Variants in PACSIN1 observed in about 807,000 individuals in gnomAD.
PACSIN1 encodes protein kinase C and casein kinase substrate in neurons protein 1.
In PACSIN1, 15 loss-of-function variants were observed where a neutral mutation model predicts 59.5. The observed-to-expected ratio is 0.25, with a 90% confidence interval of 0.17 to 0.39. PACSIN1 has a LOEUF of 0.39. PACSIN1 is among the 10% of genes least tolerant of loss of function. The pLI, the probability that PACSIN1 is intolerant of heterozygous loss-of-function variation, is 1.00. For missense variants in PACSIN1, 420 were observed against 580.2 expected (o/e 0.72, Z 2.84); for synonymous variants, 210 against 220.6 (o/e 0.95, Z 0.42).
intron 1 of PACSIN1, among the ~76,000 whole-genome samples, chr6:34,487,085 AGC>A (rs1766805644): frequency 6.6e-6 from 1 of 151,800 alleles, no homozygotes; most frequent in Non-Finnish European, 1.5e-5. Flanking sequence ...TGGGAGGATC[AGC>A]CGAGCCCAGG....
rs922990670 is a variant in PACSIN1, at chr6:34,532,638, A to C, written c.*108A>C. 1.5e-6 allele frequency: 1 copy of C among 678,242 alleles called. No homozygotes were observed. The allele number at this position is 678,242 out of a possible 1,614,324, so 42.0% of individuals were successfully genotyped here. ...GAGTTCCAGACATATTTTCCGATCA[A>C]GCTTTTATTTTTTTAAAAGTCAAAA... On this transcript the variant is annotated 3_prime_UTR_variant, in exon 10 of 10. Coordinates refer to ENST00000244458, the MANE Select transcript of PACSIN1 (RefSeq NM_020804.5). The surrounding 1 kb of genome is among the most constrained non-coding windows in gnomAD (Gnocchi z 5.2).
At position 34,524,130 on chromosome 6, in the gene PACSIN1, G is replaced by A. The variant is rs573235456; in HGVS notation, c.-63-2113G>A. On this transcript the variant is annotated intron_variant, in intron 1 of 9. Transcript: ENST00000244458. ...AGACACGTTACCTGCCAATACCAAG[G>A]GTGGACCCCAGCAAGTTCCAAGAAC... is the stretch of plus-strand genomic sequence containing the variant. Among the ~76,000 whole-genome samples, 66 of 152,250 alleles carry A rather than the reference G, an allele frequency of 4.3e-4. 1 individual carries two copies. The South Asian group carries it at 0.012, about 28-fold the overall frequency.
intron 1 of PACSIN1, among the ~76,000 whole-genome samples, chr6:34,504,270 GTATATA>G (rs869143444): frequency 3.7e-5 from 5 of 134,380 alleles, no homozygotes; most frequent in African/African-American, 1.4e-4. Flanking sequence ...GTGTGTGTGT[GTATATA>G]TATATATATA....
rs1039211180 is a variant in PACSIN1, at chr6:34,515,693, C to G, written c.-63-10550C>G. On this transcript the variant is annotated intron_variant, in intron 1 of 9. Coordinates refer to ENST00000244458, the MANE Select transcript of PACSIN1 (RefSeq NM_020804.5). This position sits in a 1 kb window ranked among gnomAD's most constrained non-coding sequence, Gnocchi z 4.4. ...CCCAATCCCAGATCTCCCAAAGGAC[C>G]CCCATGCCCATCCCCAGCAAGCCCA... Among the ~76,000 whole-genome samples the G allele has an allele frequency of 1.3e-5, 2 of 152,182 alleles. No homozygotes were observed. The highest frequency in any genetic ancestry group is 4.1e-4 in the South Asian group (2 of 4,826).
In PACSIN1 at chr6:34,534,589, C is replaced by T. The variant is rs967115265; in HGVS notation, c.*2059C>T. 16 of 152,782 alleles carry T rather than the reference C, an allele frequency of 1.0e-4. No individual in the cohort carries two copies. Among genetic ancestry groups the T allele is most frequent in the African/African-American group, 3.9e-4 (16 of 41,432 alleles). The allele number at this position is 152,782 out of a possible 1,614,324, so 9.5% of individuals were successfully genotyped here. On this transcript the variant is annotated 3_prime_UTR_variant, in exon 10 of 10. Coordinates refer to ENST00000244458, the MANE Select transcript of PACSIN1 (RefSeq NM_020804.5). ...GCACCTTGGGGCCTGGGCTCCCCCTCTCTGTGCCAGCGGCTTCCCAGCACC... is the reference window on the plus strand; with the variant it reads ...GCACCTTGGGGCCTGGGCTCCCCCTTTCTGTGCCAGCGGCTTCCCAGCACC...
At position 34,513,399 on chromosome 6, in the gene PACSIN1, C is replaced by G. The variant is rs1767236099; in HGVS notation, c.-63-12844C>G. 2.0e-5 allele frequency among the ~76,000 whole-genome samples: 3 copies of G among 151,996 alleles called. No homozygotes were observed. The South Asian group carries it at 6.2e-4, about 32-fold the overall frequency. On this transcript the variant is annotated intron_variant, in intron 1 of 9. Coordinates refer to ENST00000244458, the MANE Select transcript of PACSIN1 (RefSeq NM_020804.5). ...GGAGTGTGGGGTCCCTGAGAATTAC[C>G]CTGGGGCACAGGGGCTGCAGTGACC...
At chr6:34,477,226 C>T (rs1176343744) in intron 1 of PACSIN1, among the ~76,000 whole-genome samples, 2 of 152,154 alleles carry the variant, frequency 1.3e-5, no homozygotes, top group East Asian at 1.9e-4. Context: ...CATGGTTGCT[C>T]ATGCCTGTAA....
Position 34,532,422 on chromosome 6 carries a change from A to C in PACSIN1, c.1227A>C (p.Gly409=). ...QEQDELSFKA[G]DELTKLGEED... The stretch of plus-strand genomic sequence containing the variant: ...CCCTCCCTGTGTTCTCTTTCCCAGG[A>C]GACGAACTCACCAAGCTGGGCGAGG... Residue 409 remains glycine, a splice_region_variant and synonymous_variant, in exon 10 of 10, where the codon GGA becomes GGC. Transcript: ENST00000244458. This position sits in a 1 kb window ranked among gnomAD's most constrained non-coding sequence, Gnocchi z 5.2. 1 of 1,564,672 alleles carries C rather than the reference A, an allele frequency of 6.4e-7. No individual in the cohort carries two copies. The highest frequency in any genetic ancestry group is 8.7e-7 in the Non-Finnish European group (1 of 1,153,604).
chr6:34,473,792 T>C (rs1161341557), intron 1 of PACSIN1, among the ~76,000 whole-genome samples: 5 of 152,258 alleles, frequency 3.3e-5, no homozygotes, highest in Non-Finnish European at 5.9e-5. Flanking sequence ...CATATACTCA[T>C]GGCTTAGCAT....
At chr6:34,466,514 C>G (rs1378587438) in intron 1 of PACSIN1, among the ~76,000 whole-genome samples, 1 of 152,180 alleles carries the variant, frequency 6.6e-6, no homozygotes, top group Non-Finnish European at 1.5e-5. Flanking sequence ...GGGGAGCGAG[C>G]TGGCATCGGA....
chr6:34,481,262 C>A (rs147530066), intron 1 of PACSIN1, among the ~76,000 whole-genome samples: 26 of 152,228 alleles, frequency 1.7e-4, no homozygotes, highest in African/African-American at 4.6e-4. Flanking sequence ...GTTGGCCAGG[C>A]TGGTCTCAAA....
At position 34,526,744 on chromosome 6, in the gene PACSIN1, G is replaced by A. The variant is rs575179063; in HGVS notation, c.63+376G>A. The stretch of plus-strand genomic sequence containing the variant: ...GGGTGGAGCGCCGGACACAGAGAGA[G>A]GGAGTGAGCTCCCAGAGCCCCACGG... On this transcript the variant is annotated intron_variant, in intron 2 of 9. Transcript: ENST00000244458. 5.3e-5 allele frequency among the ~76,000 whole-genome samples: 8 copies of A among 152,336 alleles called. No individual in the cohort carries two copies. In the South Asian group the frequency reaches 1.7e-3, roughly 32 times the overall value.
At chr6:34,508,839 T>C (rs1767155615) in intron 1 of PACSIN1, among the ~76,000 whole-genome samples, 1 of 152,226 alleles carries the variant, frequency 6.6e-6, no homozygotes, top group Admixed American at 6.5e-5. Context: ...GAAATGTCTG[T>C]TCAAGCCCTT....
At chr6:34,498,390 G>GTATT (rs1766978016) in intron 1 of PACSIN1, among the ~76,000 whole-genome samples, 1 of 151,996 alleles carries the variant, frequency 6.6e-6, no homozygotes, top group South Asian at 2.1e-4. Context: ...GGGTTGTTTG[G>GTATT]TATTTTGTTA....
chr6:34,471,484 C>T (rs888117778), intron 1 of PACSIN1, among the ~76,000 whole-genome samples: 1 of 152,156 alleles, frequency 6.6e-6, no homozygotes, highest in African/African-American at 2.4e-5. Context: ...TGGATTTTGG[C>T]TCCTTAGTGC....
Position 34,528,878 on chromosome 6 carries a change from G to T in PACSIN1, c.456+1G>T. On this transcript the variant is annotated splice_donor_variant, in intron 4 of 9. Transcript: ENST00000244458. LOFTEE classifies it high-confidence loss of function. Reference sequence around the variant, plus strand: ...GCCTTGGGCCAAGAAGATGAAGGAGGTGCTCAGTGGGTGCTGCCACGGGCG... The same window carrying T: ...GCCTTGGGCCAAGAAGATGAAGGAGTTGCTCAGTGGGTGCTGCCACGGGCG... 6.3e-7 allele frequency: 1 copy of T among 1,578,438 alleles called. No individual in the cohort carries two copies. The highest frequency in any genetic ancestry group is 8.7e-7 in the Non-Finnish European group (1 of 1,152,746).
chr6:34,527,628 C>T lies in PACSIN1; in HGVS notation c.220+140C>T, dbSNP rs374203760. On this transcript the variant is annotated intron_variant, in intron 3 of 9. Coordinates refer to ENST00000244458, the MANE Select transcript of PACSIN1 (RefSeq NM_020804.5). Reference sequence around the variant, plus strand: ...GGACATTTTCAGGCGCTGTTCCCTCCTAGATCAAACCAGGCCTACCTGTTC... The same window carrying T: ...GGACATTTTCAGGCGCTGTTCCCTCTTAGATCAAACCAGGCCTACCTGTTC... 126 of 635,162 alleles carry T rather than the reference C, an allele frequency of 2.0e-4. No homozygotes were observed. The East Asian group carries it at 2.8e-3, about 14-fold the overall frequency. The allele number at this position is 635,162 out of a possible 1,614,324, so 39.3% of individuals were successfully genotyped here. A position where few individuals can be genotyped will look rare whatever the true frequency, so the allele number is the denominator to read the frequency against.
chr6:34,483,698 T>C (rs1766754528), intron 1 of PACSIN1, among the ~76,000 whole-genome samples: 1 of 131,750 alleles, frequency 7.6e-6, no homozygotes, highest in African/African-American at 2.9e-5. Context: ...CAGGCTGGAG[T>C]GCAATGGTGC....
At chr6:34,477,402 G>GAAGA (rs1013178001) in intron 1 of PACSIN1, among the ~76,000 whole-genome samples, 17 of 149,842 alleles carry the variant, frequency 1.1e-4, no homozygotes, top group African/African-American at 3.7e-4. Context: ...AAGAAAAAAA[G>GAAGA]AAGAAAGAAA....
Sources: allele counts gnomAD v4.1 joint callset (sites outside exome capture counted in the v4.1 genomes callset), GRCh38; gene constraint gnomAD v4.1.1; non-coding constraint Gnocchi (gnomAD v3.1); transcripts MANE v1.5; gene names NCBI Gene and HGNC (gene_info 2026-07-23, HGNC 2026-07-21).